Variants in GLIS3 observed in about 807,000 individuals in gnomAD.
GLIS3 encodes the protein GLIS family zinc finger 3, also known as zinc finger protein GLIS3.
GLIS3 carries 53 observed loss-of-function variants against 78.6 expected under a neutral mutation model. That is an observed-to-expected ratio of 0.67 (90% CI 0.54 to 0.85). The LOEUF (loss-of-function observed/expected upper bound fraction) is 0.85, where lower values mean the gene tolerates loss of function less well. Ranked by LOEUF, GLIS3 falls within the 40% of genes least tolerant of loss-of-function variation. The probability of loss-of-function intolerance (pLI) is 0.00; values close to 1 mark genes in which losing one functional copy is unlikely to be tolerated. For synonymous variants in GLIS3, 684 were observed against 509.9 expected (o/e 1.34, Z -4.60); for missense variants, 1,703 against 1,231.1 (o/e 1.38, Z -5.74).
At position 4,319,650 on chromosome 9, in the gene GLIS3, C is replaced by T. The variant is rs1442469249; in HGVS notation, n.265-9122G>A. On this transcript the variant is annotated intron_variant and non_coding_transcript_variant, in intron 2 of 4. Coordinates refer to the GLIS3 transcript ENST00000471664. Reference sequence around the variant, plus strand: ...GCTCAAGTGATCCTCCTGCCTCACCCTCCCAGGTAGCTAGGACTATAGGTG... The same window carrying T: ...GCTCAAGTGATCCTCCTGCCTCACCTTCCCAGGTAGCTAGGACTATAGGTG... 3.3e-5 allele frequency among the ~76,000 whole-genome samples: 5 copies of T among 152,086 alleles called. No individual in the cohort carries two copies. In the East Asian group the frequency reaches 5.8e-4, roughly 18 times the overall value.
intron 2 of GLIS3, among the ~76,000 whole-genome samples, chr9:4,325,269 G>C (rs1817583638): frequency 6.6e-6 from 1 of 152,174 alleles, no homozygotes; most frequent in African/African-American, 2.4e-5. Flanking sequence ...TTCTGGGGCT[G>C]TTTATGTCTT....
At chr9:3,949,633 T>G (rs1816532578) in intron 4 of GLIS3, among the ~76,000 whole-genome samples, 1 of 152,222 alleles carries the variant, frequency 6.6e-6, no homozygotes, top group African/African-American at 2.4e-5. Context: ...TTCTTCAAAG[T>G]AACTTTACTG....
At chr9:4,425,383 G>C in the GLIS3 span, among the ~76,000 whole-genome samples, 1 of 152,158 alleles carries the variant, frequency 6.6e-6, no homozygotes, top group East Asian at 1.9e-4. Context: ...TGAATCAAAG[G>C]ATTTGCCTGG....
the GLIS3 span, among the ~76,000 whole-genome samples, chr9:4,471,150 G>A: frequency 2.6e-5 from 4 of 152,198 alleles, no homozygotes; most frequent in East Asian, 5.8e-4. Context: ...TGGATAGGAA[G>A]AATCAATATT....
chr9:4,029,574 C>T (rs1588488506), intron 4 of GLIS3, among the ~76,000 whole-genome samples: 2 of 151,978 alleles, frequency 1.3e-5, no homozygotes, highest in Non-Finnish European at 2.9e-5. Context: ...ACCCACTAAC[C>T]ATCCCTGCCT....
At chr9:4,159,947 G>A (rs933356563) in intron 2 of GLIS3, among the ~76,000 whole-genome samples, 1 of 152,138 alleles carries the variant, frequency 6.6e-6, no homozygotes, top group African/African-American at 2.4e-5. Context: ...AACTCAGCCA[G>A]TAAGAGACAA....
intron 2 of GLIS3, among the ~76,000 whole-genome samples, chr9:4,216,364 T>C (rs1000044553): frequency 6.6e-6 from 1 of 151,538 alleles, no homozygotes; most frequent in Non-Finnish European, 1.5e-5. Flanking sequence ...TCCGAGCTAC[T>C]CAAGAGGTTG....
At chr9:4,360,580 G>A in the GLIS3 span, among the ~76,000 whole-genome samples, 4 of 152,278 alleles carry the variant, frequency 2.6e-5, no homozygotes, top group African/African-American at 9.6e-5. Context: ...TCGATGAGTT[G>A]ATATTATCGG....
At chr9:3,862,548 T>A (rs1017134617) in intron 8 of GLIS3, among the ~76,000 whole-genome samples, 1 of 152,210 alleles carries the variant, frequency 6.6e-6, no homozygotes, top group Non-Finnish European at 1.5e-5. Flanking sequence ...AATTTACTAA[T>A]AGATTGTGTT....
At chr9:4,318,420 C>G (rs1247621073) in intron 2 of GLIS3, among the ~76,000 whole-genome samples, 3 of 152,052 alleles carry the variant, frequency 2.0e-5, no homozygotes, top group Non-Finnish European at 4.4e-5. Flanking sequence ...GATTCCAGGA[C>G]TAGGGCAGGG....
intron 2 of GLIS3, among the ~76,000 whole-genome samples, chr9:4,191,391 T>C (rs866070533): frequency 1.3e-5 from 2 of 152,238 alleles, no homozygotes; most frequent in African/African-American, 4.8e-5. Context: ...ATCATAATAA[T>C]GTCCACATAT....
chr9:4,357,294 C>T, the GLIS3 span, among the ~76,000 whole-genome samples: 1 of 152,126 alleles, frequency 6.6e-6, no homozygotes, highest in Admixed American at 6.5e-5. Flanking sequence ...GCAGATTGCC[C>T]CTCCCAAGTG....
intron 4 of GLIS3, among the ~76,000 whole-genome samples, chr9:3,967,608 A>G (rs1818051269): frequency 6.6e-6 from 1 of 152,230 alleles, no homozygotes; most frequent in African/African-American, 2.4e-5. Flanking sequence ...AACACAGGAC[A>G]CATGCCTGAA....
chr9:4,219,102 T>C (rs1027298443), intron 2 of GLIS3, among the ~76,000 whole-genome samples: 1 of 152,244 alleles, frequency 6.6e-6, no homozygotes, highest in Non-Finnish European at 1.5e-5. Flanking sequence ...CCTCCACTAA[T>C]GGAGGTGATT....
chr9:3,952,798 C>G (rs1816787320), intron 4 of GLIS3, among the ~76,000 whole-genome samples: 1 of 152,080 alleles, frequency 6.6e-6, no homozygotes, highest in Non-Finnish European at 1.5e-5. Context: ...AAAGCAGACT[C>G]TGATTTAGCA....
At chr9:4,312,845 A>G (rs780370077) in intron 2 of GLIS3, among the ~76,000 whole-genome samples, 2 of 152,202 alleles carry the variant, frequency 1.3e-5, no homozygotes, top group Admixed American at 6.5e-5. Flanking sequence ...GGAAAAGCTA[A>G]CATTTTTCAG....
the GLIS3 span, among the ~76,000 whole-genome samples, chr9:4,450,402 G>C: frequency 0.038 from 5,746 of 152,202 alleles, 391 homozygotes; most frequent in African/African-American, 0.13. Flanking sequence ...GGGGAGAATG[G>C]AACCAAGTTG....
At chr9:4,309,767 A>G (rs1041292121) in intron 3 of GLIS3, among the ~76,000 whole-genome samples, 1 of 151,720 alleles carries the variant, frequency 6.6e-6, no homozygotes, top group Non-Finnish European at 1.5e-5. Flanking sequence ...TTTTCTTCAC[A>G]TGACATCAGG....
At chr9:4,021,618 T>G (rs1336799917) in intron 4 of GLIS3, among the ~76,000 whole-genome samples, 1 of 152,298 alleles carries the variant, frequency 6.6e-6, no homozygotes, top group Non-Finnish European at 1.5e-5. Context: ...TGAACACTGG[T>G]AGAACCTCAT....
Sources: allele counts gnomAD v4.1 joint callset (sites outside exome capture counted in the v4.1 genomes callset), GRCh38; gene constraint gnomAD v4.1.1; transcripts MANE v1.5; gene names NCBI Gene and HGNC (gene_info 2026-07-23, HGNC 2026-07-21).